The following PTCH1 variants were observed in gnomAD, a reference collection of about 807,000 sequenced individuals.
PTCH1 encodes protein patched homolog 1.
PTCH1 carries 14 observed loss-of-function variants against 144.6 expected under a neutral mutation model. The observed-to-expected ratio is 0.10, with a 90% CI of 0.06 to 0.15. The LOEUF (loss-of-function observed/expected upper bound fraction) is 0.15, where lower values mean the gene tolerates loss of function less well. Among genes scored for constraint, PTCH1 ranks in the 10% least tolerant of loss-of-function variants. The pLI is 1.00. For missense variants in PTCH1, 1,623 were observed against 1,948.3 expected, an observed-to-expected ratio of 0.83 and a Z score of 3.14; for synonymous variants, 833 against 793.6, an observed-to-expected ratio of 1.05 and a Z score of -0.83.
intron 15 of PTCH1, among the ~76,000 whole-genome samples, chr9:95,464,950 CT>C (rs1839866506): frequency 6.6e-6 from 1 of 152,116 alleles, no homozygotes; most frequent in Non-Finnish European, 1.5e-5. Context: ...GTTGAGTGCT[CT>C]AGCGGACCCT....
At chr9:95,490,690 G>C (rs1842335960) in intron 2 of PTCH1, among the ~76,000 whole-genome samples, 1 of 152,132 alleles carries the variant, frequency 6.6e-6, no homozygotes, top group Admixed American at 6.5e-5. Flanking sequence ...GACTTAGAGA[G>C]TAGAATGAGG....
chr9:95,453,669 T>G, intron 19 of PTCH1, 49 bp from the exon 20 acceptor site: 1 of 1,608,856 alleles, frequency 6.2e-7, no homozygotes, highest in Non-Finnish European at 8.5e-7. Flanking sequence ...CTTCACCTGG[T>G]AAATGCTCAG....
chr9:95,486,654 A>T (rs1045152085), intron 2 of PTCH1, among the ~76,000 whole-genome samples: 5 of 152,274 alleles, frequency 3.3e-5, no homozygotes, highest in South Asian at 4.1e-4. Context: ...CAAGCTGGCC[A>T]GCACGGGGTA....
chr9:95,484,648 G>A (rs1314803358), intron 3 of PTCH1, among the ~76,000 whole-genome samples: 1 of 152,202 alleles, frequency 6.6e-6, no homozygotes, highest in East Asian at 1.9e-4. Context: ...GCCTAGGGGA[G>A]GTGATGGGGT....
Position 95,476,073 on chromosome 9 carries a change from C to G in PTCH1, c.1689G>C (p.Ala563=), listed in dbSNP as rs371757261. Reference sequence around the variant, plus strand: ...CCCGCAGAGCGGGAATTGGGATTAACGCGGCCATGAAGAAGGCTGTGACAT... The same window carrying G: ...CCCGCAGAGCGGGAATTGGGATTAAGGCGGCCATGAAGAAGGCTGTGACAT... The part of the protein sequence containing the change: ...ISNVTAFFMA[A]LIPIPALRAF... The change falls in exon 12 of 24, where the codon GCG becomes GCC. Residue 563 remains alanine, a synonymous_variant. Transcript: ENST00000331920. The surrounding 1 kb of genome is among the most constrained non-coding windows in gnomAD (Gnocchi z 4.6). The G allele has an allele frequency of 6.2e-6, 10 of 1,613,936 alleles. No homozygotes were observed. The South Asian group carries it at 9.9e-5, about 16-fold the overall frequency.
Position 95,508,726 on chromosome 9 carries a change from G to A in PTCH1, c.-365C>T, listed in dbSNP as rs999092259. The A allele has an allele frequency of 8.1e-6, 8 of 986,262 alleles. No individual in the cohort carries two copies. In the African/African-American group the frequency reaches 1.4e-4, roughly 17 times the overall value. The allele number at this position is 986,262 out of a possible 1,614,324, so 61.1% of individuals were successfully genotyped here. A position where few individuals can be genotyped will look rare whatever the true frequency, so the allele number is the denominator to read the frequency against. ...TTCGGGCGCTTCCGCGGCACTCCTT[G>A]CGGTCCCCAACTCCCCCTACCCGCC... On this transcript the variant is annotated 5_prime_UTR_variant, in exon 1 of 24. Coordinates refer to ENST00000331920, the MANE Select transcript of PTCH1 (RefSeq NM_000264.5).
intron 12 of PTCH1, among the ~76,000 whole-genome samples, chr9:95,473,746 G>A (rs1022531188): frequency 6.6e-6 from 1 of 151,690 alleles, no homozygotes; most frequent in Non-Finnish European, 1.5e-5. Context: ...GTTTCACCAT[G>A]TTGGCCAGGA....
intron 14 of PTCH1, 105 bp downstream of exon 14, chr9:95,468,642 ATTTT>A: frequency 1.6e-6 from 2 of 1,264,104 alleles, no homozygotes; most frequent in Non-Finnish European, 2.2e-6. Context: ...CTTAAACGAA[ATTTT>A]TTTTTTTTTA....
intron 2 of PTCH1, among the ~76,000 whole-genome samples, chr9:95,501,468 CA>C (rs1429923623): frequency 5.3e-5 from 8 of 151,600 alleles, no homozygotes; most frequent in African/African-American, 1.9e-4. Flanking sequence ...TTAACACTAG[CA>C]AGGTACAAAC....
At chr9:95,500,855 G>A (rs1397282104) in intron 2 of PTCH1, among the ~76,000 whole-genome samples, 1 of 152,216 alleles carries the variant, frequency 6.6e-6, no homozygotes, top group Non-Finnish European at 1.5e-5. Flanking sequence ...TACTGGGGTT[G>A]AGGTGCAACC....
intron 19 of PTCH1, among the ~76,000 whole-genome samples, chr9:95,455,470 A>AAATC (rs1210332426): frequency 6.6e-6 from 1 of 152,250 alleles, no homozygotes; most frequent in East Asian, 1.9e-4. Context: ...GCCTACTGAT[A>AAATC]ACCCCAAGTT....
intron 23 of PTCH1, 193 bp from the exon 24 acceptor site, chr9:95,446,584 A>C (rs79038600): frequency 1.0e-3 from 467 of 462,046 alleles, no homozygotes; most frequent in Admixed American, 2.0e-3. Context: ...ATGCGTTCCC[A>C]TGTGACCAAT....
At chr9:95,453,856 C>G (rs942418792) in intron 19 of PTCH1, among the ~76,000 whole-genome samples, 1 of 152,196 alleles carries the variant, frequency 6.6e-6, no homozygotes, top group Non-Finnish European at 1.5e-5. Context: ...AAAATCAAAA[C>G]TATATAAAAA....
rs2136598717 is a variant in PTCH1, at chr9:95,449,161, G to A, written c.3712C>T (p.Leu1238Phe). The change falls in exon 22 of 24, where the codon CTT becomes TTT. Residue 1238 changes from leucine to phenylalanine, a missense_variant. Physicochemically the swap from Leu to Phe is conservative, Grantham distance 22 (BLOSUM62 0). Transcript: ENST00000331920. This position sits in a 1 kb window ranked among gnomAD's most constrained non-coding sequence, Gnocchi z 5.3. ...QTTVSGLSEE[L>F]RHYEAQQGAG... is the part of the protein sequence containing the mutation. ...CCCTGCTGGGCCTCGTAGTGCCGAA[G>A]CTCCTCGCTGAGGCCTGACACTGTC... 1 of 1,613,520 alleles carries A rather than the reference G, an allele frequency of 6.2e-7. No homozygotes were observed.
intron 15 of PTCH1, among the ~76,000 whole-genome samples, chr9:95,464,036 CAAAG>C (rs1038457172): frequency 1.3e-5 from 2 of 152,166 alleles, no homozygotes; most frequent in Non-Finnish European, 2.9e-5. Flanking sequence ...GAGGGTGAAA[CAAAG>C]GAAGAAAGAT....
In PTCH1 at chr9:95,494,079, C is replaced by T. The variant is rs1033985546; in HGVS notation, c.395-8205G>A. On this transcript the variant is annotated intron_variant, in intron 2 of 23. Coordinates refer to ENST00000331920, the MANE Select transcript of PTCH1 (RefSeq NM_000264.5). Reference sequence around the variant, plus strand: ...GGACACCCCCACCTGCCCACGGAACCGCACGGGACCGCACGGGGCATGTGG... The same window carrying T: ...GGACACCCCCACCTGCCCACGGAACTGCACGGGACCGCACGGGGCATGTGG... 2.7e-5 allele frequency among the ~76,000 whole-genome samples: 4 copies of T among 149,806 alleles called. No individual in the cohort carries two copies. In the South Asian group the frequency reaches 6.2e-4, roughly 23 times the overall value.
rs1396778100 is a variant in PTCH1 at position 95,508,163 on chromosome 9, T to C, written c.199A>G (p.Lys67Glu). The stretch of plus-strand genomic sequence containing the variant: ...GGAGGAGAGAGTCTGAAATGCACCT[T>C]GGAAATCTGCTCCAGAGCGAAGGCG... ...DAAFALEQIS[K>E]GKATGRKAPL... The change falls in exon 1 of 24, where the codon AAG becomes GAG. Residue 67 changes from lysine (K) to glutamate (E), a missense_variant and splice_region_variant. Lys to Glu is a moderately conservative substitution (Grantham distance 56, BLOSUM62 1). Coordinates refer to ENST00000331920, the MANE Select transcript of PTCH1 (RefSeq NM_000264.5). The C allele has an allele frequency of 1.2e-6, 2 of 1,612,304 alleles. No homozygotes were observed. The highest frequency in any genetic ancestry group is 2.2e-5 in the East Asian group (1 of 44,844).
At chr9:95,464,716 T>C (rs942321333) in intron 15 of PTCH1, among the ~76,000 whole-genome samples, 2 of 152,256 alleles carry the variant, frequency 1.3e-5, no homozygotes, top group South Asian at 2.1e-4. Flanking sequence ...AGACAAACTA[T>C]TGTAATGTCG....
chr9:95,477,480 G>C, intron 10 of PTCH1, 67 bp downstream of exon 10: 1 of 1,605,496 alleles, frequency 6.2e-7, no homozygotes, highest in Non-Finnish European at 8.5e-7. Flanking sequence ...CAGGAGGCTG[G>C]CTGGGCCAAG....
Sources: allele counts gnomAD v4.1 joint callset (sites outside exome capture counted in the v4.1 genomes callset), GRCh38; gene constraint gnomAD v4.1.1; non-coding constraint Gnocchi (gnomAD v3.1); transcripts MANE v1.5; gene names NCBI Gene and HGNC (gene_info 2026-07-23, HGNC 2026-07-21).